FSD1: variants seen among roughly 807,000 people sequenced by gnomAD.
The protein encoded by FSD1 is fibronectin type III and SPRY domain containing 1.
Under a neutral mutation model 58.2 loss-of-function variants are expected in FSD1, and 23 were observed. The observed-to-expected ratio is 0.40, with a 90% CI of 0.28 to 0.56. The LOEUF (loss-of-function observed/expected upper bound fraction) is 0.56, where lower values mean the gene tolerates loss of function less well. FSD1 is among the 20% of genes least tolerant of loss of function. The probability of loss-of-function intolerance (pLI) is 0.54; values close to 1 mark genes in which losing one functional copy is unlikely to be tolerated. For missense variants in FSD1, 563 were observed against 670.8 expected (o/e 0.84, Z 1.78); for synonymous variants, 265 against 263.4 (o/e 1.01, Z -0.06).
chr19:4,310,715 G>T, intron 6 of FSD1, 119 bp downstream of exon 6: 1 of 1,212,444 alleles, frequency 8.2e-7, no homozygotes. Flanking sequence ...CCGCCTGGGG[G>T]AGGTGGAGCT....
intron 7 of FSD1, among the ~76,000 whole-genome samples, chr19:4,312,580 G>A (rs113913041): frequency 0.11 from 16,438 of 151,956 alleles, 1,134 homozygotes; most frequent in South Asian, 0.19. Flanking sequence ...GAGGCGGGCC[G>A]ATCACAAGGT....
At chr19:4,310,410 C>G (rs1049068819) in intron 5 of FSD1, 65 bp from the exon 6 acceptor site, 1 of 1,603,030 alleles carries the variant, frequency 6.2e-7, no homozygotes, top group African/African-American at 1.3e-5. Flanking sequence ...TGGGGAGGGG[C>G]CCCCTCGCGC....
At chr19:4,314,822 CCA>C (rs1159025260) in intron 7 of FSD1, among the ~76,000 whole-genome samples, 3 of 152,218 alleles carry the variant, frequency 2.0e-5, no homozygotes, top group Non-Finnish European at 2.9e-5. Context: ...TTCGGGTGTT[CCA>C]CACAGTTTTC....
chr19:4,310,160 G>C, intron 4 of FSD1, 113 bp from the exon 5 acceptor site: 1 of 1,155,840 alleles, frequency 8.7e-7, no homozygotes, highest in Non-Finnish European at 1.3e-6. Flanking sequence ...AGGAGGTGGA[G>C]GTTGCAGTGA....
intron 1 of FSD1, among the ~76,000 whole-genome samples, 180 bp from the exon 2 acceptor site, chr19:4,305,766 C>T (rs534754126): frequency 3.3e-5 from 5 of 152,288 alleles, no homozygotes; most frequent in Admixed American, 6.5e-5. Flanking sequence ...GCCAGGCTGA[C>T]GGGCTCACCT....
intron 6 of FSD1, 74 bp from the exon 7 acceptor site, chr19:4,311,767 CA>C (rs2144760120): frequency 7.2e-7 from 1 of 1,394,292 alleles, no homozygotes; most frequent in African/African-American, 1.4e-5. Context: ...TGTGGTTGGG[CA>C]GCCCTGCAGC....
At position 4,323,622 on chromosome 19, in the gene FSD1, C is replaced by T. The variant is rs372952167; in HGVS notation, c.1470C>T (p.Ser490=). 6.2e-7 allele frequency: 1 copy of T among 1,612,840 alleles called. No homozygotes were observed. The highest frequency in any genetic ancestry group is 8.5e-7 in the Non-Finnish European group (1 of 1,179,328). The part of the protein sequence containing the change: ...CLQKRGSATS[S]SNTSLT The stretch of plus-strand genomic sequence containing the variant: ...AAAAGCGAGGCAGTGCTACCAGCAG[C>T]TCCAACACCAGCCTCACCTAGGCCC... The change falls in exon 13 of 13, where the codon AGC becomes AGT. Residue 490 remains serine, a synonymous_variant. Coordinates refer to ENST00000221856, the MANE Select transcript of FSD1 (RefSeq NM_024333.3). The surrounding 1 kb of genome is among the most constrained non-coding windows in gnomAD (Gnocchi z 7.7).
chr19:4,312,186 G>A (rs1481862983), intron 7 of FSD1, 135 bp downstream of exon 7: 8 of 732,572 alleles, frequency 1.1e-5, no homozygotes, highest in South Asian at 1.8e-5. Flanking sequence ...CTGGGGAGGT[G>A]GATCAGAAAT....
At chr19:4,306,821 C>G (rs1971627960) in intron 3 of FSD1, among the ~76,000 whole-genome samples, 1 of 152,086 alleles carries the variant, frequency 6.6e-6, no homozygotes, top group Non-Finnish European at 1.5e-5. Context: ...TCTTCCCCTC[C>G]TGTCTTCACT....
At chr19:4,319,413 C>T (rs938050644) in intron 10 of FSD1, among the ~76,000 whole-genome samples, 1 of 152,090 alleles carries the variant, frequency 6.6e-6, no homozygotes, top group African/African-American at 2.4e-5. Context: ...TCAATAGTAG[C>T]ATAAGAATGA....
chr19:4,316,433 C>A (rs1285359893), intron 7 of FSD1, among the ~76,000 whole-genome samples: 1 of 151,372 alleles, frequency 6.6e-6, no homozygotes, highest in African/African-American at 2.4e-5. Flanking sequence ...GTTGGCCAGG[C>A]TGGTCTTGAA....
rs1971785476 is a variant in FSD1 at position 4,318,960 on chromosome 19, G to T, written c.1039+9G>T. 1.9e-6 allele frequency: 3 copies of T among 1,611,696 alleles called. No individual in the cohort carries two copies. The highest frequency in any genetic ancestry group is 1.7e-6 in the Non-Finnish European group (2 of 1,178,384). On this transcript the variant is annotated intron_variant, in intron 10 of 12. Coordinates refer to ENST00000221856, the MANE Select transcript of FSD1 (RefSeq NM_024333.3). ...GTCCTACACAGTTCTGGGTAAGGAA[G>T]GGGAGAAGAAAGGGGAGAGGGGAGT...
At position 4,306,181 on chromosome 19, in the gene FSD1, T is replaced by C; in HGVS notation, c.112-17T>C. 1 of 1,613,866 alleles carries C rather than the reference T, an allele frequency of 6.2e-7. No homozygotes were observed. Among genetic ancestry groups the C allele is most frequent in the Admixed American group, 1.7e-5 (1 of 60,010 alleles). On this transcript the variant is annotated splice_polypyrimidine_tract_variant and intron_variant, in intron 2 of 12. Transcript: ENST00000221856. The stretch of plus-strand genomic sequence containing the variant: ...TCTGAACACGGGCTTTGGCCGATTC[T>C]GGCTGTTCCGACCCAGGCGAACTCG...
Position 4,305,796 on chromosome 19 carries a change from G to A in FSD1, c.16-150G>A, listed in dbSNP as rs111747019. On this transcript the variant is annotated intron_variant, in intron 1 of 12. Transcript: ENST00000221856. ...TCACCTGCCTGCCGTGTGTGTGTGCGCATGTGTGTGCATGTGTGTGCGCAC... is the reference window on the plus strand; with the variant it reads ...TCACCTGCCTGCCGTGTGTGTGTGCACATGTGTGTGCATGTGTGTGCGCAC... 2.6e-5 allele frequency: 17 copies of A among 660,156 alleles called. No individual in the cohort carries two copies. In the East Asian group the frequency reaches 2.6e-4, roughly 10 times the overall value. 40.9% of individuals were successfully genotyped at this position (660,156 alleles called of 1,614,324 possible).
At position 4,304,673 on chromosome 19, in the gene FSD1, C is replaced by T; in HGVS notation, c.-74C>T. On this transcript the variant is annotated 5_prime_UTR_variant, in exon 1 of 13. Transcript: ENST00000221856. ...GCTCGGCGGGCCATTGGCTACCGGC[C>T]GCGGCAAAGGCAGCTTGGGGACCCA... is the stretch of plus-strand genomic sequence containing the variant. 1 of 1,007,168 alleles carries T rather than the reference C, an allele frequency of 9.9e-7. No individual in the cohort carries two copies. 62.4% of individuals were successfully genotyped at this position (1,007,168 alleles called of 1,614,324 possible). A position where few individuals can be genotyped will look rare whatever the true frequency, so the allele number is the denominator to read the frequency against.
intron 10 of FSD1, 84 bp downstream of exon 10, chr19:4,319,035 G>A (rs921530915): frequency 1.8e-6 from 2 of 1,106,376 alleles, no homozygotes; most frequent in Admixed American, 1.9e-5. Flanking sequence ...TTTGCCTTTG[G>A]CTGCGGAAAC....
intron 7 of FSD1, among the ~76,000 whole-genome samples, chr19:4,316,807 A>G (rs1348347498): frequency 6.6e-6 from 1 of 151,222 alleles, no homozygotes; most frequent in Non-Finnish European, 1.5e-5. Context: ...CTGGAGTGCA[A>G]TGGCATGATC....
intron 3 of FSD1, among the ~76,000 whole-genome samples, chr19:4,307,567 C>T (rs1971636043): frequency 6.6e-6 from 1 of 152,084 alleles, no homozygotes. Flanking sequence ...CAGGGTTTCA[C>T]TGTGTTGGCC....
Position 4,323,077 on chromosome 19 carries a change from C to G in FSD1, c.1131C>G (p.Ser377Arg), listed in dbSNP as rs1270140091. 6.2e-7 allele frequency: 1 copy of G among 1,610,908 alleles called. No individual in the cohort carries two copies. Among genetic ancestry groups the G allele is most frequent in the Non-Finnish European group, 8.5e-7 (1 of 1,179,746 alleles). Residue 377 changes from serine (S) to arginine (R), a missense_variant, in exon 11 of 13, where the codon AGC becomes AGG. Transcript: ENST00000221856. The surrounding 1 kb of genome is among the most constrained non-coding windows in gnomAD (Gnocchi z 7.7). ...TCGGCGTGGGCGTGGCCTACCGCAG[C>G]CTGGGCCGCTTCGAGCAACTGGGCA... ...KAFGVGVAYR[S>R]LGRFEQLGKT...
Sources: gnomAD v4.1 joint callset for allele counts (sites outside exome capture counted in the v4.1 genomes callset) on GRCh38, gnomAD v4.1.1 for gene constraint, Gnocchi (gnomAD v3.1) non-coding constraint, MANE v1.5 for transcripts, NCBI Gene and HGNC (gene_info 2026-07-23, HGNC 2026-07-21) for gene names.